Variants in MMD observed in about 807,000 individuals in gnomAD.
MMD encodes the protein monocyte to macrophage differentiation associated.
In MMD, 22 loss-of-function variants were observed where a neutral mutation model predicts 33.6. The ratio of observed to expected loss-of-function variants is 0.66; its 90% CI spans 0.47 to 0.94. The LOEUF is 0.94. MMD is among the 40% of genes least tolerant of loss of function. The probability of loss-of-function intolerance (pLI) is 0.00; values close to 1 mark genes in which losing one functional copy is unlikely to be tolerated. For missense variants in MMD, 242 were observed against 309.8 expected, an observed-to-expected ratio of 0.78 and a Z score of 1.64; for synonymous variants, 97 against 103.2, an observed-to-expected ratio of 0.94 and a Z score of 0.36.
At chr17:55,402,260 T>C (rs73316288) in intron 5 of MMD, among the ~76,000 whole-genome samples, 3,611 of 152,228 alleles carry the variant, frequency 0.024, 154 homozygotes, top group African/African-American at 0.082. Flanking sequence ...TGAATGGAGA[T>C]GCAGCCTGGA....
In MMD at chr17:55,394,192, A is replaced by G. The variant is rs1276853933; in HGVS notation, c.*142T>C. 10 of 628,460 alleles carry G rather than the reference A, an allele frequency of 1.6e-5. No individual in the cohort carries two copies. The highest frequency in any genetic ancestry group is 2.5e-5 in the Non-Finnish European group (10 of 407,198). The allele number at this position is 628,460 out of a possible 1,614,324, so 38.9% of individuals were successfully genotyped here. On this transcript the variant is annotated 3_prime_UTR_variant, in exon 7 of 7. Coordinates refer to ENST00000262065, the MANE Select transcript of MMD (RefSeq NM_012329.3). Reference sequence around the variant, plus strand: ...CAGAAAATTCCAGAACACAGCCTTTATACTTTCACAGTAATTATATTCAAA... The same window carrying G: ...CAGAAAATTCCAGAACACAGCCTTTGTACTTTCACAGTAATTATATTCAAA...
intron 6 of MMD, among the ~76,000 whole-genome samples, chr17:55,396,821 C>T (rs531769585): frequency 1.1e-3 from 172 of 151,958 alleles, no homozygotes; most frequent in Admixed American, 2.3e-3. Context: ...TTCATCATGT[C>T]GGTCAGGCTG....
intron 4 of MMD, among the ~76,000 whole-genome samples, chr17:55,404,172 T>C (rs1908012783): frequency 6.6e-6 from 1 of 151,976 alleles, no homozygotes; most frequent in Admixed American, 6.6e-5. Context: ...CTGGCCAACA[T>C]GGTGAAACCC....
intron 2 of MMD, among the ~76,000 whole-genome samples, chr17:55,412,066 G>A (rs185305158): frequency 4.6e-5 from 7 of 152,184 alleles, no homozygotes; most frequent in African/African-American, 1.7e-4. Flanking sequence ...GGCAGAGTGA[G>A]ACCCCATTTC....
rs891828284 is a variant in MMD, at chr17:55,421,812, C to G, written c.-117G>C. Reference sequence around the variant, plus strand: ...AGGCCGCCTGCGTGTCCAGCGGAACCCTTCGGCCGGGTAGGGTCGGAGTGG... The same window carrying G: ...AGGCCGCCTGCGTGTCCAGCGGAACGCTTCGGCCGGGTAGGGTCGGAGTGG... On this transcript the variant is annotated 5_prime_UTR_variant, in exon 1 of 7. Coordinates refer to ENST00000262065, the MANE Select transcript of MMD (RefSeq NM_012329.3). 1.6e-6 allele frequency: 2 copies of G among 1,253,914 alleles called. No individual in the cohort carries two copies. Among genetic ancestry groups the G allele is most frequent in the Admixed American group, 2.9e-5 (1 of 34,462 alleles). The allele number at this position is 1,253,914 out of a possible 1,614,324, so 77.7% of individuals were successfully genotyped here.
At chr17:55,412,711 A>T (rs947780385) in intron 2 of MMD, among the ~76,000 whole-genome samples, 13 of 152,350 alleles carry the variant, frequency 8.5e-5, no homozygotes, top group African/African-American at 3.1e-4. Context: ...CCCAAGCAAA[A>T]TTAGAACATT....
intron 6 of MMD, among the ~76,000 whole-genome samples, chr17:55,396,309 C>A (rs892467138): frequency 6.6e-6 from 1 of 152,120 alleles, no homozygotes; most frequent in Non-Finnish European, 1.5e-5. Flanking sequence ...ACTATTATCT[C>A]CATTATACAG....
rs188928015 is a variant in MMD at position 55,413,211 on chromosome 17, A to T, written c.108+940T>A. On this transcript the variant is annotated intron_variant, in intron 2 of 6. Coordinates refer to ENST00000262065, the MANE Select transcript of MMD (RefSeq NM_012329.3). ...GAACCATTGTATTGTACCAACAGTG[A>T]CTACCACAGTTAAACTAGCCTGTTC... Among the ~76,000 whole-genome samples the T allele has an allele frequency of 2.3e-3, 355 of 152,344 alleles. 1 individual carries two copies. The highest frequency in any genetic ancestry group is 8.4e-3 in the African/African-American group (348 of 41,586).
At chr17:55,399,905 C>G (rs941827023) in intron 6 of MMD, among the ~76,000 whole-genome samples, 2 of 152,144 alleles carry the variant, frequency 1.3e-5, no homozygotes, top group African/African-American at 4.8e-5. Flanking sequence ...TAAACCTGCT[C>G]TTATGATACC....
chr17:55,418,403 T>G (rs1908052546), intron 1 of MMD, among the ~76,000 whole-genome samples: 1 of 152,262 alleles, frequency 6.6e-6, no homozygotes. Context: ...TGAACTATTT[T>G]GTCTTAACAA....
chr17:55,414,235 G>A lies in MMD; in HGVS notation c.27-3C>T. On this transcript the variant is annotated splice_polypyrimidine_tract_variant and splice_region_variant and intron_variant, in intron 1 of 6. Coordinates refer to ENST00000262065, the MANE Select transcript of MMD (RefSeq NM_012329.3). The stretch of plus-strand genomic sequence containing the variant: ...CTGGAGCTCGATGGTTCATGAACCT[G>A]TAAAAACAAAAAGAACACATGTAAG... 1.2e-6 allele frequency: 2 copies of A among 1,613,538 alleles called. No homozygotes were observed. Among genetic ancestry groups the A allele is most frequent in the South Asian group, 1.1e-5 (1 of 91,062 alleles).
At chr17:55,399,230 T>C (rs1907236034) in intron 6 of MMD, among the ~76,000 whole-genome samples, 1 of 139,754 alleles carries the variant, frequency 7.2e-6, no homozygotes, top group Non-Finnish European at 1.5e-5. Flanking sequence ...AGTCCTGTAC[T>C]GTTTGGGTTC....
At chr17:55,415,187 G>C (rs974164901) in intron 1 of MMD, among the ~76,000 whole-genome samples, 2 of 151,712 alleles carry the variant, frequency 1.3e-5, no homozygotes, top group African/African-American at 4.8e-5. Context: ...CTCTGGATTA[G>C]TCTAATTAAT....
chr17:55,399,630 T>A (rs1409930315), intron 6 of MMD, among the ~76,000 whole-genome samples: 1 of 152,256 alleles, frequency 6.6e-6, no homozygotes, highest in South Asian at 2.1e-4. Context: ...AGCTTCTACA[T>A]GTTTTTCCAA....
At chr17:55,413,935 C>T (rs184067002) in intron 2 of MMD, among the ~76,000 whole-genome samples, 79 of 152,226 alleles carry the variant, frequency 5.2e-4, no homozygotes, top group African/African-American at 8.2e-4. Flanking sequence ...TTGGAGAAAG[C>T]GAATCCAGGA....
chr17:55,398,274 T>C (rs1907198476), intron 6 of MMD, among the ~76,000 whole-genome samples: 1 of 151,810 alleles, frequency 6.6e-6, no homozygotes, highest in Non-Finnish European at 1.5e-5. Context: ...CACTGAACTT[T>C]GCTTCTGCAA....
At chr17:55,417,574 T>C (rs1185680623) in intron 1 of MMD, among the ~76,000 whole-genome samples, 2 of 152,112 alleles carry the variant, frequency 1.3e-5, no homozygotes, top group Admixed American at 6.6e-5. Context: ...GGAGGTTGCT[T>C]GAGCCCAAGA....
In MMD at chr17:55,412,999, C is replaced by T. The variant is rs370100246; in HGVS notation, c.108+1152G>A. Among the ~76,000 whole-genome samples, 432 of 152,130 alleles carry T rather than the reference C, an allele frequency of 2.8e-3. 2 individuals are homozygous for T. The highest frequency in any genetic ancestry group is 9.7e-3 in the African/African-American group (402 of 41,510). On this transcript the variant is annotated intron_variant, in intron 2 of 6. Coordinates refer to ENST00000262065, the MANE Select transcript of MMD (RefSeq NM_012329.3). ...CCCTGAAATCCAAAAATTCAAGATA[C>T]GGTTTAATAAGATTATATTTTCTGT...
In MMD at chr17:55,393,265, A is replaced by C. The variant is rs991827938; in HGVS notation, c.*1069T>G. 7.3e-5 allele frequency: 11 copies of C among 150,834 alleles called. 1 individual carries two copies. The highest frequency in any genetic ancestry group is 6.4e-4 in the South Asian group (3 of 4,724). The allele number at this position is 150,834 out of a possible 1,614,324, so 9.3% of individuals were successfully genotyped here. A position where few individuals can be genotyped will look rare whatever the true frequency, so the allele number is the denominator to read the frequency against. ...ATTTTTTCTAGGAAAAAAAAAAAAA[A>C]ACACAATATATGAGAAGATGCAAAG... On this transcript the variant is annotated 3_prime_UTR_variant, in exon 7 of 7. Transcript: ENST00000262065.
Sources: gnomAD v4.1 joint callset for allele counts (sites outside exome capture counted in the v4.1 genomes callset) on GRCh38, gnomAD v4.1.1 for gene constraint, MANE v1.5 for transcripts, NCBI Gene and HGNC (gene_info 2026-07-23, HGNC 2026-07-21) for gene names.